The following NRG3 variants were observed in gnomAD, a reference collection of about 807,000 sequenced individuals.
The protein encoded by NRG3 is pro-neuregulin-3, membrane-bound isoform.
A neutral mutation model predicts 66.9 loss-of-function variants in NRG3; 31 were observed. The observed-to-expected ratio is 0.46, with a 90% CI of 0.35 to 0.63. The LOEUF is 0.63. Ranked by LOEUF, NRG3 falls within the 20% of genes least tolerant of loss-of-function variation. NRG3 has a pLI of 0.00. For synonymous variants in NRG3, 393 were observed against 359.4 expected (o/e 1.09, Z -1.06); for missense variants, 910 against 878.9 (o/e 1.04, Z -0.45).
In NRG3 at chr10:82,307,753, TC is replaced by T. The variant is rs1196214177; in HGVS notation, c.824-50985del. Reference sequence around the variant, plus strand: ...TGGGCCATTTTTCCCTCCAATTTCATCTTTTTTTTTTCCTGTCATTTAAAAA... The same window carrying T: ...TGGGCCATTTTTCCCTCCAATTTCATTTTTTTTTTTCCTGTCATTTAAAAA... On this transcript the variant is annotated intron_variant, in intron 1 of 8. Coordinates refer to ENST00000372141, the MANE Select transcript of NRG3 (RefSeq NM_001010848.4). 1.1e-4 allele frequency among the ~76,000 whole-genome samples: 15 copies of T among 141,832 alleles called. No homozygotes were observed. The South Asian group carries it at 1.3e-3, about 12-fold the overall frequency. The allele number at this position is 141,832 out of a possible 152,430, so 93.0% of individuals were successfully genotyped here. A position where few individuals can be genotyped will look rare whatever the true frequency, so the allele number is the denominator to read the frequency against.
At chr10:82,169,701 CTCTG>C (rs1430560754) in intron 1 of NRG3, among the ~76,000 whole-genome samples, 1 of 151,460 alleles carries the variant, frequency 6.6e-6, no homozygotes, top group Non-Finnish European at 1.5e-5. Flanking sequence ...TACTTGCTCT[CTCTG>C]TAATATTTTT....
At chr10:82,662,310 C>T (rs1337778073) in intron 2 of NRG3, among the ~76,000 whole-genome samples, 2 of 151,852 alleles carry the variant, frequency 1.3e-5, no homozygotes, top group Non-Finnish European at 2.9e-5. Flanking sequence ...TAATCACACT[C>T]TGCTTTAGAA....
intron 4 of NRG3, among the ~76,000 whole-genome samples, chr10:82,886,414 A>G (rs539302600): frequency 2.3e-4 from 35 of 152,296 alleles, no homozygotes; most frequent in African/African-American, 8.4e-4. Context: ...ATTTTTGGCA[A>G]TTCTGAGCCT....
At chr10:82,140,162 C>A (rs1253847283) in intron 1 of NRG3, among the ~76,000 whole-genome samples, 1 of 152,132 alleles carries the variant, frequency 6.6e-6, no homozygotes, top group Non-Finnish European at 1.5e-5. Context: ...AGTCAATGCT[C>A]TATTTTTTCT....
At chr10:82,838,353 C>T (rs749083850) in intron 3 of NRG3, among the ~76,000 whole-genome samples, 3 of 151,854 alleles carry the variant, frequency 2.0e-5, no homozygotes, top group African/African-American at 4.8e-5. Context: ...TCTGCAGAGA[C>T]GAAAAGAAGA....
intron 1 of NRG3, among the ~76,000 whole-genome samples, chr10:81,884,836 A>G (rs936094253): frequency 6.6e-6 from 1 of 152,186 alleles, no homozygotes; most frequent in African/African-American, 2.4e-5. Flanking sequence ...TTGGACATGC[A>G]TATACCTATT....
At chr10:82,124,025 C>G (rs1309038894) in intron 1 of NRG3, among the ~76,000 whole-genome samples, 1 of 152,000 alleles carries the variant, frequency 6.6e-6, no homozygotes, top group Admixed American at 6.6e-5. Context: ...CCTTCAGACC[C>G]TCAATACCAC....
chr10:82,491,474 G>A (rs2132255362), intron 2 of NRG3, among the ~76,000 whole-genome samples: 1 of 151,450 alleles, frequency 6.6e-6, no homozygotes, highest in Non-Finnish European at 1.5e-5. Context: ...AACAGTGCCT[G>A]AGACATAATA....
intron 1 of NRG3, among the ~76,000 whole-genome samples, chr10:81,995,895 G>T (rs1339715262): frequency 6.6e-6 from 1 of 152,038 alleles, no homozygotes; most frequent in Non-Finnish European, 1.5e-5. Flanking sequence ...TGTTAAATTG[G>T]TCAATGCCAT....
rs190177438 is a variant in NRG3, at chr10:81,995,146, G to A, written c.823+118983G>A. 2.2e-3 allele frequency among the ~76,000 whole-genome samples: 333 copies of A among 152,102 alleles called. 1 individual carries two copies. The highest frequency in any genetic ancestry group is 0.01 in the Middle Eastern group (3 of 294). On this transcript the variant is annotated intron_variant, in intron 1 of 8. Coordinates refer to ENST00000372141, the MANE Select transcript of NRG3 (RefSeq NM_001010848.4). The stretch of plus-strand genomic sequence containing the variant: ...GCTAATAATTTAACTTAGTGTTTTT[G>A]ATTTAACCCTTGGTGTTTTCCATCC...
chr10:82,828,126 AG>A (rs1424286512), intron 3 of NRG3, among the ~76,000 whole-genome samples: 2 of 152,112 alleles, frequency 1.3e-5, no homozygotes, highest in Non-Finnish European at 2.9e-5. Flanking sequence ...AAAATTGGCC[AG>A]GGTGACTGGT....
At position 82,779,972 on chromosome 10, in the gene NRG3, T is replaced by C. The variant is rs947660791; in HGVS notation, c.1027+41322T>C. 3.3e-5 allele frequency among the ~76,000 whole-genome samples: 5 copies of C among 149,296 alleles called. No homozygotes were observed. The East Asian group carries it at 6.1e-4, about 18-fold the overall frequency. ...CACTTATGAGTGAGAACATGTGGTGTTTGGTTTTCTGTTCTTGCGTTAGTT... is the reference window on the plus strand; with the variant it reads ...CACTTATGAGTGAGAACATGTGGTGCTTGGTTTTCTGTTCTTGCGTTAGTT... On this transcript the variant is annotated intron_variant, in intron 3 of 8. Coordinates refer to ENST00000372141, the MANE Select transcript of NRG3 (RefSeq NM_001010848.4).
chr10:82,328,574 T>C (rs950782598), intron 1 of NRG3, among the ~76,000 whole-genome samples: 1 of 152,186 alleles, frequency 6.6e-6, no homozygotes, highest in Non-Finnish European at 1.5e-5. Flanking sequence ...CTGTGGACTC[T>C]GTTCAAGTCC....
At chr10:82,421,279 A>T (rs1028135541) in intron 2 of NRG3, among the ~76,000 whole-genome samples, 1 of 152,096 alleles carries the variant, frequency 6.6e-6, no homozygotes, top group African/African-American at 2.4e-5. Context: ...CATGCTTTTG[A>T]TCTTTGTATG....
rs1156936498 is a variant in NRG3 at position 82,760,209 on chromosome 10, C to A, written c.1027+21559C>A. Among the ~76,000 whole-genome samples the A allele has an allele frequency of 2.0e-5, 3 of 152,166 alleles. No individual in the cohort carries two copies. In the South Asian group the frequency reaches 6.2e-4, roughly 32 times the overall value. On this transcript the variant is annotated intron_variant, in intron 3 of 8. Transcript: ENST00000372141. Reference sequence around the variant, plus strand: ...AACTAGCACCACAACCCCAGAAAAACACAGGGCCCCAGTAGAGACAAACAG... The same window carrying A: ...AACTAGCACCACAACCCCAGAAAAAAACAGGGCCCCAGTAGAGACAAACAG...
At chr10:82,715,590 G>T (rs544373978) in intron 2 of NRG3, among the ~76,000 whole-genome samples, 8 of 152,212 alleles carry the variant, frequency 5.3e-5, no homozygotes, top group Admixed American at 1.3e-4. Flanking sequence ...ATGTTATAGT[G>T]ATGAGACATA....
chr10:82,180,325 T>G (rs1305948814), intron 1 of NRG3, among the ~76,000 whole-genome samples: 1 of 151,970 alleles, frequency 6.6e-6, no homozygotes, highest in Non-Finnish European at 1.5e-5. Flanking sequence ...GTTCCTGACC[T>G]TAGGGGAAAA....
intron 2 of NRG3, among the ~76,000 whole-genome samples, chr10:82,618,661 A>G (rs2048827964): frequency 6.6e-6 from 1 of 152,168 alleles, no homozygotes; most frequent in Non-Finnish European, 1.5e-5. Flanking sequence ...GAAAAATTAT[A>G]AAAAATATAT....
chr10:82,566,807 A>G (rs1439270812), intron 2 of NRG3, among the ~76,000 whole-genome samples: 2 of 152,026 alleles, frequency 1.3e-5, no homozygotes, highest in Non-Finnish European at 2.9e-5. Flanking sequence ...TTTCTAAATA[A>G]AAAAATAGTC....
Sources: gnomAD v4.1 joint callset for allele counts (sites outside exome capture counted in the v4.1 genomes callset) on GRCh38, gnomAD v4.1.1 for gene constraint, MANE v1.5 for transcripts, NCBI Gene and HGNC (gene_info 2026-07-23, HGNC 2026-07-21) for gene names.